FUT8: variants seen among roughly 807,000 people sequenced by gnomAD.
The protein encoded by FUT8 is alpha-(1,6)-fucosyltransferase.
Under a neutral mutation model 71.3 loss-of-function variants are expected in FUT8, and 29 were observed. The observed-to-expected ratio is 0.41, with a 90% CI of 0.30 to 0.55. The LOEUF is 0.55. FUT8 is among the 20% of genes least tolerant of loss of function. FUT8 has a pLI of 0.34. For missense variants in FUT8, 544 were observed against 702.1 expected (o/e 0.77, Z 2.55); for synonymous variants, 254 against 239.3 (o/e 1.06, Z -0.57).
the FUT8 span, among the ~76,000 whole-genome samples, chr14:65,385,376 T>A: frequency 6.6e-6 from 1 of 152,176 alleles, no homozygotes; most frequent in African/African-American, 2.4e-5. Context: ...GTAAACCAAT[T>A]TTTATTCTCC....
the FUT8 span, among the ~76,000 whole-genome samples, chr14:65,365,327 TCC>T: frequency 1.8e-5 from 2 of 108,876 alleles, no homozygotes; most frequent in South Asian, 6.6e-4. Context: ...AATAAATTCT[TCC>T]TCTCTCTCTC....
In FUT8 at chr14:65,561,715, A is replaced by G. The variant is rs1253888936; in HGVS notation, c.152A>G (p.Glu51Gly). 2 of 1,613,484 alleles carry G rather than the reference A, an allele frequency of 1.2e-6. No homozygotes were observed. The highest frequency in any genetic ancestry group is 1.7e-6 in the Non-Finnish European group (2 of 1,179,656). Residue 51 changes from glutamate to glycine, a missense_variant, in exon 3 of 11, where the codon GAA (glutamate) becomes GGA (glycine). Glu to Gly is a moderately conservative substitution (Grantham distance 98). Transcript: ENST00000673929. ...RELSKILAKL[E>G]RLKQQNEDLR... ...CTGTCCAAGATTCTGGCAAAGCTTG[A>G]ACGCTTAAAACAACAGAATGAAGAC... is the stretch of plus-strand genomic sequence containing the variant.
chr14:65,411,787 GC>G (rs1237222431), upstream of FUT8: 2 of 334,010 alleles, frequency 6.0e-6, no homozygotes, highest in East Asian at 9.2e-5. Context: ...TCATCTTCCG[GC>G]CCTCTGATTG....
chr14:65,507,723 T>C (rs1230569708), intron 2 of FUT8, among the ~76,000 whole-genome samples: 2 of 152,238 alleles, frequency 1.3e-5, no homozygotes, highest in African/African-American at 4.8e-5. Context: ...TTAGCTTGCT[T>C]TCAAATCTTG....
At chr14:65,565,304 T>C (rs1016985340) in intron 3 of FUT8, among the ~76,000 whole-genome samples, 1 of 151,868 alleles carries the variant, frequency 6.6e-6, no homozygotes, top group African/African-American at 2.4e-5. Context: ...CACCTGCCAA[T>C]ACTGCCATGT....
intron 2 of FUT8, among the ~76,000 whole-genome samples, chr14:65,462,552 T>C (rs1013414790): frequency 3.9e-5 from 6 of 152,224 alleles, no homozygotes; most frequent in Non-Finnish European, 8.8e-5. Flanking sequence ...GTAATAGTAC[T>C]GTGAGGTGGA....
chr14:65,392,457 T>A, the FUT8 span, among the ~76,000 whole-genome samples: 1 of 151,988 alleles, frequency 6.6e-6, no homozygotes, highest in East Asian at 1.9e-4. Context: ...CCCAAGGTAT[T>A]TTCTTTTGAC....
chr14:65,459,458 C>T (rs948300711), intron 2 of FUT8, among the ~76,000 whole-genome samples: 17 of 151,910 alleles, frequency 1.1e-4, no homozygotes, highest in Admixed American at 2.0e-4. Context: ...TGTCTTGTAC[C>T]GTTTAAATGG....
At chr14:65,384,625 A>G in the FUT8 span, among the ~76,000 whole-genome samples, 15 of 152,156 alleles carry the variant, frequency 9.9e-5, no homozygotes, top group Non-Finnish European at 1.9e-4. The surrounding 1 kb of genome is among the most constrained non-coding windows in gnomAD (Gnocchi z 4.2). Context: ...CATCTCTTGT[A>G]TAATATTTTG....
At chr14:65,618,917 T>G (rs1272613929) in intron 5 of FUT8, among the ~76,000 whole-genome samples, 1 of 152,142 alleles carries the variant, frequency 6.6e-6, no homozygotes, top group African/African-American at 2.4e-5. Flanking sequence ...GTTAGAAGAT[T>G]ATTAGCAGAT....
At chr14:65,412,646 A>T (rs1029531012), upstream of FUT8, 1 of 223,632 alleles carries the variant, frequency 4.5e-6, no homozygotes, top group Non-Finnish European at 9.0e-6. Flanking sequence ...TCCCTGGCAC[A>T]TGCCAGGGTC....
chr14:65,673,610 A>G (rs939426495), intron 7 of FUT8, among the ~76,000 whole-genome samples: 1 of 152,234 alleles, frequency 6.6e-6, no homozygotes, highest in Non-Finnish European at 1.5e-5. Context: ...GTAAAAAGAC[A>G]GGCAAGAGAA....
rs540424782 is a variant in FUT8, at chr14:65,617,835, T to C, written c.482+1462T>C. 2.9e-3 allele frequency among the ~76,000 whole-genome samples: 441 copies of C among 151,834 alleles called. 2 individuals are homozygous for C. Among genetic ancestry groups the C allele is most frequent in the African/African-American group, 0.01 (419 of 41,424 alleles). ...GGCACATGCCTGTGATCCCAGCTAC[T>C]TGGGAGGCTGAGGCCCAAGGATCAC... is the stretch of plus-strand genomic sequence containing the variant. On this transcript the variant is annotated intron_variant, in intron 5 of 10. Coordinates refer to ENST00000673929, the MANE Select transcript of FUT8 (RefSeq NM_001371533.1).
intron 5 of FUT8, among the ~76,000 whole-genome samples, chr14:65,620,109 G>T (rs1370543483): frequency 6.6e-6 from 1 of 151,976 alleles, no homozygotes; most frequent in Non-Finnish European, 1.5e-5. Flanking sequence ...TATGAAAAGG[G>T]TACCAAAGCT....
intron 2 of FUT8, among the ~76,000 whole-genome samples, chr14:65,536,074 CTG>C (rs1454624577): frequency 6.6e-6 from 1 of 152,020 alleles, no homozygotes; most frequent in East Asian, 1.9e-4. Context: ...GGCTTAAAAT[CTG>C]TTTTTTTCTG....
intron 10 of FUT8, among the ~76,000 whole-genome samples, chr14:65,737,185 T>C (rs771493352): frequency 1.2e-4 from 18 of 152,138 alleles, no homozygotes; most frequent in Non-Finnish European, 2.2e-4. Context: ...GGGAATTCTC[T>C]CTTCTTCAAT....
chr14:65,367,757 A>G, the FUT8 span, among the ~76,000 whole-genome samples: 1 of 152,124 alleles, frequency 6.6e-6, no homozygotes, highest in Non-Finnish European at 1.5e-5. Context: ...TCTCTCCTTA[A>G]TCCACATCTG....
chr14:65,630,739 G>A (rs1407682101), intron 6 of FUT8, among the ~76,000 whole-genome samples: 3 of 152,152 alleles, frequency 2.0e-5, no homozygotes, highest in South Asian at 2.1e-4. Flanking sequence ...GGATAATGGG[G>A]ACATCATTAT....
At chr14:65,592,219 G>T (rs1054750387) in intron 3 of FUT8, among the ~76,000 whole-genome samples, 1 of 152,010 alleles carries the variant, frequency 6.6e-6, no homozygotes, top group Non-Finnish European at 1.5e-5. Flanking sequence ...TGTTCCTCTG[G>T]TGTAAAGTAG....
Sources: gnomAD v4.1 joint callset for allele counts (sites outside exome capture counted in the v4.1 genomes callset) on GRCh38, gnomAD v4.1.1 for gene constraint, Gnocchi (gnomAD v3.1) non-coding constraint, MANE v1.5 for transcripts, NCBI Gene and HGNC (gene_info 2026-07-23, HGNC 2026-07-21) for gene names.